Variants in PIEZO2 observed in about 807,000 individuals in gnomAD.
The protein encoded by PIEZO2 is piezo type mechanosensitive ion channel component 2.
Under a neutral mutation model 337.3 loss-of-function variants are expected in PIEZO2, and 172 were observed. That is an observed-to-expected ratio of 0.51 (90% CI 0.45 to 0.58). The LOEUF (loss-of-function observed/expected upper bound fraction) is 0.58, where lower values mean the gene tolerates loss of function less well. PIEZO2 is among the 20% of genes least tolerant of loss of function. The probability of loss-of-function intolerance (pLI) is 0.00; values close to 1 mark genes in which losing one functional copy is unlikely to be tolerated. For missense variants in PIEZO2, 3,028 were observed against 3,391.3 expected, an observed-to-expected ratio of 0.89 and a Z score of 2.66; for synonymous variants, 1,251 against 1,228.5, an observed-to-expected ratio of 1.02 and a Z score of -0.38.
At chr18:10,732,922 T>C (rs1196716684) in intron 35 of PIEZO2, among the ~76,000 whole-genome samples, 2 of 152,226 alleles carry the variant, frequency 1.3e-5, no homozygotes, top group Non-Finnish European at 2.9e-5. Context: ...TATGGTGACA[T>C]TTCCTTTAAA....
intron 2 of PIEZO2, among the ~76,000 whole-genome samples, chr18:11,013,052 A>G (rs2035960213): frequency 6.6e-6 from 1 of 152,158 alleles, no homozygotes; most frequent in Non-Finnish European, 1.5e-5. Context: ...TCAAAAAAAA[A>G]GTTATTTATT....
chr18:11,065,531 C>A (rs1047071084), intron 2 of PIEZO2, among the ~76,000 whole-genome samples: 4 of 152,202 alleles, frequency 2.6e-5, no homozygotes, highest in African/African-American at 9.7e-5. Context: ...ATATTCCATG[C>A]CTTCAGGTTC....
At chr18:10,800,194 G>T in intron 11 of PIEZO2, 143 bp downstream of exon 11, 1 of 1,186,562 alleles carries the variant, frequency 8.4e-7, no homozygotes, top group Non-Finnish European at 1.1e-6. Context: ...CAAAATGCAG[G>T]CAGAACTTAA....
In PIEZO2 at chr18:10,672,927, G is replaced by T. The variant is rs1332943960; in HGVS notation, c.8162-54C>A. ...TGACATGAGAATTTTAGGATTTCATGCACAGCAACAGTTTTCAGATGGCAA... is the reference window on the plus strand; with the variant it reads ...TGACATGAGAATTTTAGGATTTCATTCACAGCAACAGTTTTCAGATGGCAA... On this transcript the variant is annotated intron_variant, in intron 54 of 55. Transcript: ENST00000674853. The surrounding 1 kb of genome is among the most constrained non-coding windows in gnomAD (Gnocchi z 4.7). The T allele has an allele frequency of 1.4e-6, 2 of 1,448,292 alleles. No homozygotes were observed. Among genetic ancestry groups the T allele is most frequent in the African/African-American group, 2.8e-5 (2 of 70,596 alleles). 89.7% of individuals were successfully genotyped at this position (1,448,292 alleles called of 1,614,324 possible).
intron 21 of PIEZO2, among the ~76,000 whole-genome samples, chr18:10,768,444 G>A (rs1429203949): frequency 6.6e-6 from 1 of 152,208 alleles, no homozygotes; most frequent in African/African-American, 2.4e-5. Context: ...ACACTGTCAA[G>A]AACCCAGAGA....
At chr18:10,744,545 C>T (rs1318627010) in intron 30 of PIEZO2, among the ~76,000 whole-genome samples, 3 of 152,126 alleles carry the variant, frequency 2.0e-5, no homozygotes, top group Non-Finnish European at 4.4e-5. Context: ...TCCCACTGAA[C>T]GTTAGACTTC....
In PIEZO2 at chr18:10,682,034, A is replaced by C; in HGVS notation, c.7686+70T>G. The C allele has an allele frequency of 7.1e-7, 1 of 1,414,350 alleles. No homozygotes were observed. Among genetic ancestry groups the C allele is most frequent in the South Asian group, 1.4e-5 (1 of 72,402 alleles). 87.6% of individuals were successfully genotyped at this position (1,414,350 alleles called of 1,614,324 possible). On this transcript the variant is annotated intron_variant, in intron 50 of 55. Coordinates refer to ENST00000674853, the MANE Select transcript of PIEZO2 (RefSeq NM_001378183.1). The surrounding 1 kb of genome is among the most constrained non-coding windows in gnomAD (Gnocchi z 5.6). ...TCGGCAGCCCATGACTAAACACCCT[A>C]CAGACAGCTATCATAAAGGAATGTG...
intron 8 of PIEZO2, among the ~76,000 whole-genome samples, chr18:10,806,530 A>G (rs1282644430): frequency 1.3e-5 from 2 of 151,960 alleles, no homozygotes; most frequent in East Asian, 3.9e-4. Flanking sequence ...ATCCCTCACA[A>G]GGGGATACTC....
rs1307683982 is a variant in PIEZO2, at chr18:10,808,578, AAACT to A, written c.918-1308_918-1305del. On this transcript the variant is annotated intron_variant, in intron 7 of 55. Coordinates refer to ENST00000674853, the MANE Select transcript of PIEZO2 (RefSeq NM_001378183.1). ...TTTTAAAGTAAGCTAAATAGATATT[AAACT>A]AACTTTCTTCATTTTTATCAGAAAT... Among the ~76,000 whole-genome samples, 4 of 152,334 alleles carry A rather than the reference AAACT, an allele frequency of 2.6e-5. No individual in the cohort carries two copies. In the South Asian group the frequency reaches 6.2e-4, roughly 24 times the overall value.
chr18:10,903,538 C>T lies in PIEZO2; in HGVS notation c.329+7648G>A, dbSNP rs148531912. On this transcript the variant is annotated intron_variant, in intron 4 of 55. Coordinates refer to ENST00000674853, the MANE Select transcript of PIEZO2 (RefSeq NM_001378183.1). The surrounding 1 kb of genome is among the most constrained non-coding windows in gnomAD (Gnocchi z 4.1). ...AAAAAAAATTAGCTGGGCATAGTGG[C>T]GCGCTCCTGTAGTCCCAGCTACTTG... 5.6e-3 allele frequency among the ~76,000 whole-genome samples: 858 copies of T among 152,126 alleles called. 9 individuals are homozygous for T. Among genetic ancestry groups the T allele is most frequent in the Non-Finnish European group, 9.6e-3 (653 of 67,982 alleles).
rs1455181806 is a variant in PIEZO2, at chr18:10,855,085, C to G, written c.917+268G>C. 6.6e-6 allele frequency among the ~76,000 whole-genome samples: 1 copy of G among 152,162 alleles called. No homozygotes were observed. The highest frequency in any genetic ancestry group is 2.4e-5 in the African/African-American group (1 of 41,426). ...CTGATCTTCTTCCCCAGCTGAGACT[C>G]TGTGTCTTATTCCTACACATGACAG... is the stretch of plus-strand genomic sequence containing the variant. On this transcript the variant is annotated intron_variant, in intron 7 of 55. Coordinates refer to ENST00000674853, the MANE Select transcript of PIEZO2 (RefSeq NM_001378183.1). This position sits in a 1 kb window ranked among gnomAD's most constrained non-coding sequence, Gnocchi z 4.9.
chr18:11,015,036 A>T (rs1213630365), intron 2 of PIEZO2, among the ~76,000 whole-genome samples: 1 of 128,224 alleles, frequency 7.8e-6, no homozygotes, highest in Non-Finnish European at 1.6e-5. Flanking sequence ...CGGGACAGCG[A>T]TCCATGACCC....
intron 17 of PIEZO2, among the ~76,000 whole-genome samples, chr18:10,780,645 T>C (rs2038947095): frequency 6.7e-6 from 1 of 149,168 alleles, no homozygotes. Flanking sequence ...TACAAATTTG[T>C]AATGTTTAAA....
chr18:10,720,401 GTGTATGTGTATGTGTA>G (rs2036239139), intron 36 of PIEZO2, among the ~76,000 whole-genome samples: 10 of 7,002 alleles, frequency 1.4e-3, no homozygotes, highest in Non-Finnish European at 1.6e-3. Context: ...GTGTGTGTGT[GTGTATGTGTATGTGTA>G]TGTATATATA....
chr18:11,133,523 T>C (rs1449954682), intron 1 of PIEZO2, among the ~76,000 whole-genome samples: 1 of 152,154 alleles, frequency 6.6e-6, no homozygotes, highest in Non-Finnish European at 1.5e-5. Context: ...GTCAGTGGGC[T>C]AGGGAAGGCA....
At chr18:10,956,351 A>C (rs2033521482) in intron 3 of PIEZO2, among the ~76,000 whole-genome samples, 1 of 152,194 alleles carries the variant, frequency 6.6e-6, no homozygotes, top group South Asian at 2.1e-4. Flanking sequence ...GTACACTGAA[A>C]ACTATAAAAC....
intron 36 of PIEZO2, among the ~76,000 whole-genome samples, chr18:10,722,373 G>C (rs1438910157): frequency 1.3e-5 from 2 of 151,852 alleles, no homozygotes; most frequent in Admixed American, 1.3e-4. Flanking sequence ...TGGGATTACA[G>C]GTGCGTGCCA....
intron 4 of PIEZO2, among the ~76,000 whole-genome samples, chr18:10,900,687 T>C (rs2043023049): frequency 6.6e-6 from 1 of 152,222 alleles, no homozygotes; most frequent in African/African-American, 2.4e-5. Flanking sequence ...AAACCTTTCA[T>C]GTTTGCATTT....
chr18:10,998,701 C>T (rs748072840), intron 2 of PIEZO2, among the ~76,000 whole-genome samples: 4 of 151,930 alleles, frequency 2.6e-5, no homozygotes, highest in Non-Finnish European at 2.9e-5. Flanking sequence ...CACTTATATA[C>T]TATTTTTTCT....
Sources: allele counts gnomAD v4.1 joint callset (sites outside exome capture counted in the v4.1 genomes callset), GRCh38; gene constraint gnomAD v4.1.1; non-coding constraint Gnocchi (gnomAD v3.1); transcripts MANE v1.5; gene names NCBI Gene and HGNC (gene_info 2026-07-23, HGNC 2026-07-21).